The following C5orf58 variants were observed in gnomAD, a reference collection of about 807,000 sequenced individuals.
The protein encoded by C5orf58 is chromosome 5 open reading frame 58.
A neutral mutation model predicts 2.9 loss-of-function variants in C5orf58; 2 were observed. The observed-to-expected ratio is 0.69, with a 90% CI of 0.28 to 2.18. The LOEUF (loss-of-function observed/expected upper bound fraction) is 2.18. C5orf58 is among the 30% of genes most tolerant of loss of function. C5orf58 has a pLI of 0.13. For synonymous variants in C5orf58, 37 were observed against 33.4 expected (o/e 1.11, Z -0.37); for missense variants, 96 against 91.7 (o/e 1.05, Z -0.19).
downstream of C5orf58, chr5:170,250,812 T>G: frequency 6.2e-7 from 1 of 1,611,818 alleles, no homozygotes; most frequent in Non-Finnish European, 8.5e-7. Context: ...AACTTTATCT[T>G]TGTACAACAC....
downstream of C5orf58, chr5:170,250,947 A>G: frequency 1.4e-6 from 2 of 1,380,828 alleles, no homozygotes; most frequent in Non-Finnish European, 2.0e-6. Flanking sequence ...GTTGCTTGTA[A>G]GAGTAGTAGA....
At chr5:170,239,673 A>G (rs1280769739) in intron 3 of C5orf58, among the ~76,000 whole-genome samples, 1 of 152,230 alleles carries the variant, frequency 6.6e-6, no homozygotes, top group African/African-American at 2.4e-5. Context: ...TCAAATTTGT[A>G]TAAATCAAGT....
At chr5:170,250,659 TCG>T, downstream of C5orf58, 1 of 1,193,320 alleles carries the variant, frequency 8.4e-7, no homozygotes, top group Non-Finnish European at 1.3e-6. Flanking sequence ...CTCTCAAAGA[TCG>T]CTCCATGAAG....
chr5:170,248,856 G>C, downstream of C5orf58: 1 of 1,604,282 alleles, frequency 6.2e-7, no homozygotes, highest in Non-Finnish European at 8.5e-7. Flanking sequence ...GTCAACATTG[G>C]AATGAAAAGC....
At chr5:170,250,476 CAT>C (rs1210298222), downstream of C5orf58, among the ~76,000 whole-genome samples, 1 of 152,128 alleles carries the variant, frequency 6.6e-6, no homozygotes, top group Non-Finnish European at 1.5e-5. Flanking sequence ...TTTAAGTTAA[CAT>C]AGTTTTTCTT....
chr5:170,234,198 G>A lies in C5orf58; in HGVS notation c.-1G>A, dbSNP rs1760646327. On this transcript the variant is annotated splice_region_variant and 5_prime_UTR_variant, in exon 2 of 4. Transcript: ENST00000593851. ...AGGTAGAGGCAAGGATTGACTTAAAGGTTAGTTTGTTTTCATTATTTTGGA... is the reference window on the plus strand; with the variant it reads ...AGGTAGAGGCAAGGATTGACTTAAAAGTTAGTTTGTTTTCATTATTTTGGA... 1.5e-6 allele frequency: 2 copies of A among 1,366,544 alleles called. No homozygotes were observed. Among genetic ancestry groups the A allele is most frequent in the South Asian group, 1.1e-5 (1 of 88,024 alleles). The allele number at this position is 1,366,544 out of a possible 1,614,324, so 84.7% of individuals were successfully genotyped here.
At chr5:170,250,963 C>T, downstream of C5orf58, 1 of 1,122,812 alleles carries the variant, frequency 8.9e-7, no homozygotes, top group Non-Finnish European at 1.3e-6. Flanking sequence ...GTAGACAAGC[C>T]TCTAGGGATC....
exon 3 of C5orf58, chr5:170,251,924 TAAATC>T: frequency 4.0e-6 from 1 of 247,272 alleles, no homozygotes; most frequent in Non-Finnish European, 8.5e-6. Context: ...TTCTGATAAA[TAAATC>T]TAAGGTAAAG....
chr5:170,244,729 C>T (rs1257288355), intron 3 of C5orf58, among the ~76,000 whole-genome samples: 2 of 151,956 alleles, frequency 1.3e-5, no homozygotes, highest in Non-Finnish European at 2.9e-5. Flanking sequence ...TTTGAATGTC[C>T]TCCCGTTAGC....
chr5:170,251,654 G>A (rs1289886057), exon 3 of C5orf58: 2 of 455,944 alleles, frequency 4.4e-6, no homozygotes, highest in Non-Finnish European at 8.8e-6. Flanking sequence ...CAAGTTAATT[G>A]AGCCTGTCAG....
chr5:170,234,260 T>A, intron 2 of C5orf58, 62 bp downstream of exon 2: 3 of 1,000,344 alleles, frequency 3.0e-6, no homozygotes, highest in Non-Finnish European at 4.4e-6. Context: ...CCTTTCACAC[T>A]GCTGGAGTTG....
At chr5:170,235,702 A>G (rs1324382185) in intron 3 of C5orf58, among the ~76,000 whole-genome samples, 1 of 152,134 alleles carries the variant, frequency 6.6e-6, no homozygotes, top group Non-Finnish European at 1.5e-5. Flanking sequence ...CTGTTCCCCT[A>G]TTGCTTTCAC....
chr5:170,252,225 C>A (rs972350017), downstream of C5orf58: 1 of 385,728 alleles, frequency 2.6e-6, no homozygotes, highest in Non-Finnish European at 4.7e-6. Context: ...CCTTGAGATT[C>A]TTCTGCCAGC....
At chr5:170,238,177 A>G (rs1340493988) in intron 3 of C5orf58, among the ~76,000 whole-genome samples, 5 of 152,308 alleles carry the variant, frequency 3.3e-5, no homozygotes, top group Non-Finnish European at 7.4e-5. Flanking sequence ...CAGAGAAAAA[A>G]TCAACAGATT....
At chr5:170,245,845 G>A (rs778473489) in intron 3 of C5orf58, 117 bp from the exon 4 acceptor site, 102 of 1,024,228 alleles carry the variant, frequency 1.0e-4, no homozygotes, top group South Asian at 5.3e-4. Context: ...TTAAGTTGTG[G>A]TTTGATCACT....
downstream of C5orf58, chr5:170,248,578 C>T: frequency 9.8e-7 from 1 of 1,021,012 alleles, no homozygotes. Flanking sequence ...GGATAAAACC[C>T]TTGTGTTCAT....
downstream of C5orf58, chr5:170,248,685 G>T: frequency 1.3e-6 from 2 of 1,573,210 alleles, no homozygotes; most frequent in South Asian, 1.1e-5. Flanking sequence ...TCATTTGCTC[G>T]GCTATAACTT....
At chr5:170,245,813 T>C (rs1181354736) in intron 3 of C5orf58, 149 bp from the exon 4 acceptor site, 6 of 740,412 alleles carry the variant, frequency 8.1e-6, no homozygotes, top group Non-Finnish European at 1.3e-5. Flanking sequence ...TAAATCTTAT[T>C]TTAAGTCAGA....
At chr5:170,249,995 C>G (rs1761396339), downstream of C5orf58, among the ~76,000 whole-genome samples, 2 of 152,116 alleles carry the variant, frequency 1.3e-5, no homozygotes, top group Non-Finnish European at 2.9e-5. Context: ...TGATCACAAG[C>G]ATGCATTTTT....
Sources: allele counts gnomAD v4.1 joint callset (sites outside exome capture counted in the v4.1 genomes callset), GRCh38; gene constraint gnomAD v4.1.1; transcripts MANE v1.5; gene names NCBI Gene and HGNC (gene_info 2026-07-23, HGNC 2026-07-21).